TAF2: variants seen among roughly 807,000 people sequenced by gnomAD.
TAF2 encodes TATA-box binding protein associated factor 2, also known as transcription initiation factor TFIID subunit 2.
In TAF2, 61 loss-of-function variants were observed where a neutral mutation model predicts 138.5. That is an observed-to-expected ratio of 0.44 (90% CI 0.36 to 0.54). TAF2 has a LOEUF of 0.54. Among genes scored for constraint, TAF2 ranks in the 20% least tolerant of loss-of-function variants. The probability of loss-of-function intolerance (pLI) is 0.00; values close to 1 mark genes in which losing one functional copy is unlikely to be tolerated. For synonymous variants in TAF2, 475 were observed against 469.9 expected (o/e 1.01, Z -0.14); for missense variants, 1,090 against 1,427.9 (o/e 0.76, Z 3.81).
intron 2 of TAF2, among the ~76,000 whole-genome samples, chr8:119,829,546 T>C (rs748511414): frequency 6.6e-6 from 1 of 152,126 alleles, no homozygotes; most frequent in African/African-American, 2.4e-5. Context: ...TGTGTGTATA[T>C]ATATGTATGT....
intron 25 of TAF2, among the ~76,000 whole-genome samples, chr8:119,737,818 T>C (rs1238246420): frequency 6.6e-6 from 1 of 152,090 alleles, no homozygotes; most frequent in African/African-American, 2.4e-5. Context: ...TAAAGCTTTT[T>C]TTTAAAGGAG....
At chr8:119,824,723 T>G (rs1440216312) in intron 2 of TAF2, among the ~76,000 whole-genome samples, 1 of 152,184 alleles carries the variant, frequency 6.6e-6, no homozygotes, top group Non-Finnish European at 1.5e-5. Context: ...GGGGCCAACT[T>G]TGAGCTTGGG....
rs1410708385 is a variant in TAF2, at chr8:119,781,861, T to C, written c.2113-668A>G. On this transcript the variant is annotated intron_variant, in intron 16 of 25. Coordinates refer to ENST00000378164, the MANE Select transcript of TAF2 (RefSeq NM_003184.4). ...GACAACCACACCTGGCTAATTTTTG[T>C]ATTTTTGGTAGAGATGGGGTTTCAC... Among the ~76,000 whole-genome samples the C allele has an allele frequency of 2.0e-5, 3 of 152,088 alleles. No homozygotes were observed. The East Asian group carries it at 5.8e-4, about 29-fold the overall frequency.
At chr8:119,762,229 TAAAG>T (rs1309885662) in intron 19 of TAF2, among the ~76,000 whole-genome samples, 182 bp downstream of exon 19, 4 of 152,192 alleles carry the variant, frequency 2.6e-5, no homozygotes, top group East Asian at 1.9e-4. Flanking sequence ...TTTATGTAGT[TAAAG>T]AGAGAAAAAA....
chr8:119,737,072 T>C (rs1435504908), intron 25 of TAF2, among the ~76,000 whole-genome samples: 1 of 152,170 alleles, frequency 6.6e-6, no homozygotes, highest in Non-Finnish European at 1.5e-5. Context: ...AGGTATGAAC[T>C]GGAAATGTTA....
At chr8:119,750,295 C>T (rs1269737553) in intron 22 of TAF2, among the ~76,000 whole-genome samples, 3 of 152,100 alleles carry the variant, frequency 2.0e-5, no homozygotes, top group Non-Finnish European at 4.4e-5. Flanking sequence ...GAGCCAAGAT[C>T]GCACCACTGC....
chr8:119,790,385 G>C (rs1170185983), intron 11 of TAF2, among the ~76,000 whole-genome samples: 1 of 151,812 alleles, frequency 6.6e-6, no homozygotes, highest in Non-Finnish European at 1.5e-5. Flanking sequence ...GGCTGCAGTG[G>C]GCCGTGACTG....
rs1196213850 is a variant in TAF2 at position 119,797,898 on chromosome 8, A to G, written c.793-52T>C. 5 of 1,562,760 alleles carry G rather than the reference A, an allele frequency of 3.2e-6. No homozygotes were observed. The Middle Eastern group carries it at 5.1e-4, about 161-fold the overall frequency. ...TCTAAATGAAAGAGTTAAATTTAAT[A>G]TTGGAAATTTCCTAAACACCTCAAC... On this transcript the variant is annotated intron_variant, in intron 6 of 25. Transcript: ENST00000378164.
At chr8:119,757,275 T>C (rs1820764161) in intron 21 of TAF2, among the ~76,000 whole-genome samples, 1 of 152,114 alleles carries the variant, frequency 6.6e-6, no homozygotes, top group African/African-American at 2.4e-5. Context: ...AGAATAAAAG[T>C]GAAATGTAAT....
chr8:119,756,180 C>T, intron 21 of TAF2, 65 bp from the exon 22 acceptor site: 1 of 1,093,160 alleles, frequency 9.1e-7, no homozygotes, highest in Non-Finnish European at 1.4e-6. Context: ...GAGTAGGAGA[C>T]AACATAAACA....
At chr8:119,744,249 G>A (rs1483886207) in intron 24 of TAF2, 39 bp downstream of exon 24, 11 of 1,534,646 alleles carry the variant, frequency 7.2e-6, no homozygotes, top group Non-Finnish European at 9.0e-6. Context: ...ATCAACCAAT[G>A]TCTCCATCTC....
chr8:119,777,247 A>G (rs1405387381), intron 18 of TAF2, among the ~76,000 whole-genome samples: 1 of 152,170 alleles, frequency 6.6e-6, no homozygotes, highest in African/African-American at 2.4e-5. Flanking sequence ...TCCCCCATGG[A>G]TATTGAGAGA....
At chr8:119,780,751 C>T (rs1430157283) in intron 17 of TAF2, among the ~76,000 whole-genome samples, 9 of 151,872 alleles carry the variant, frequency 5.9e-5, no homozygotes, top group African/African-American at 1.7e-4. Flanking sequence ...CTGGCTAACA[C>T]GGTGAAACCC....
intron 2 of TAF2, among the ~76,000 whole-genome samples, chr8:119,823,197 T>C (rs186583671): frequency 5.3e-4 from 81 of 152,328 alleles, no homozygotes; most frequent in African/African-American, 1.9e-3. Context: ...CTTTTTCCCA[T>C]ACCTTCAAAA....
chr8:119,825,881 A>G (rs1826066090), intron 2 of TAF2, among the ~76,000 whole-genome samples: 1 of 148,820 alleles, frequency 6.7e-6, no homozygotes, highest in African/African-American at 2.5e-5. Context: ...TTTAGTAGAG[A>G]CAGGGTTTCA....
At chr8:119,806,972 A>C (rs1824703862) in intron 3 of TAF2, among the ~76,000 whole-genome samples, 1 of 152,246 alleles carries the variant, frequency 6.6e-6, no homozygotes, top group African/African-American at 2.4e-5. Flanking sequence ...TTCTTCATTA[A>C]TTTTGGAATG....
intron 8 of TAF2, among the ~76,000 whole-genome samples, chr8:119,796,169 C>G (rs1823812548): frequency 6.6e-6 from 1 of 151,754 alleles, no homozygotes; most frequent in Non-Finnish European, 1.5e-5. Context: ...CATCTACCCA[C>G]TCCATCCATC....
chr8:119,739,027 TTTA>T (rs769510777), intron 25 of TAF2, among the ~76,000 whole-genome samples: 1,248 of 124,532 alleles, frequency 0.01, 16 homozygotes, highest in African/African-American at 0.037. Flanking sequence ...TTTTTTTTTT[TTTA>T]AATTAAAAAA....
Position 119,828,573 on chromosome 8 carries a change from A to G in TAF2, c.138+3104T>C, listed in dbSNP as rs528311425. 1.7e-4 allele frequency among the ~76,000 whole-genome samples: 26 copies of G among 152,316 alleles called. No homozygotes were observed. In the East Asian group the frequency reaches 4.1e-3, roughly 24 times the overall value. On this transcript the variant is annotated intron_variant, in intron 2 of 25. Transcript: ENST00000378164. ...TCCTAAAGAAACAAGGGTCTAGGTC[A>G]TCCCAATAGAAATGTCAGCAGAAGG...
Sources: allele counts gnomAD v4.1 joint callset (sites outside exome capture counted in the v4.1 genomes callset), GRCh38; gene constraint gnomAD v4.1.1; transcripts MANE v1.5; gene names NCBI Gene and HGNC (gene_info 2026-07-23, HGNC 2026-07-21).